Variants in RARB observed in about 807,000 individuals in gnomAD.
RARB encodes the protein HBV-activated protein.
RARB carries 17 observed loss-of-function variants against 51.9 expected under a neutral mutation model. The ratio of observed to expected loss-of-function variants is 0.33; its 90% confidence interval spans 0.22 to 0.49. The LOEUF (loss-of-function observed/expected upper bound fraction) is 0.49, where lower values mean the gene tolerates loss of function less well. Ranked by LOEUF, RARB falls within the 20% of genes least tolerant of loss-of-function variation. The pLI is 0.99. For synonymous variants in RARB, 215 were observed against 195.4 expected, an observed-to-expected ratio of 1.10 and a Z score of -0.84; for missense variants, 369 against 550.8, an observed-to-expected ratio of 0.67 and a Z score of 3.30.
intron 2 of RARB, among the ~76,000 whole-genome samples, chr3:25,045,397 G>C (rs900295266): frequency 2.0e-5 from 3 of 152,160 alleles, no homozygotes; most frequent in Non-Finnish European, 4.4e-5. Flanking sequence ...GAGAGAAAGC[G>C]AGGTAACTCT....
intron 5 of RARB, among the ~76,000 whole-genome samples, chr3:25,341,159 A>C (rs1209110057): frequency 6.6e-6 from 1 of 152,130 alleles, no homozygotes; most frequent in African/African-American, 2.4e-5. Flanking sequence ...TGGAGACCAA[A>C]AGTCTTCTGT....
At chr3:24,923,725 G>T (rs542632403) in intron 2 of RARB, among the ~76,000 whole-genome samples, 1 of 152,278 alleles carries the variant, frequency 6.6e-6, no homozygotes, top group South Asian at 2.1e-4. Context: ...TATTAGGAAG[G>T]CTTGTGAACA....
intron 5 of RARB, among the ~76,000 whole-genome samples, chr3:25,251,562 G>C (rs1251069164): frequency 6.6e-6 from 1 of 152,120 alleles, no homozygotes; most frequent in Non-Finnish European, 1.5e-5. Flanking sequence ...CCTAGTGTGT[G>C]TGAAATGACA....
intron 2 of RARB, among the ~76,000 whole-genome samples, chr3:24,880,152 G>A (rs578098836): frequency 9.9e-4 from 150 of 151,968 alleles, no homozygotes; most frequent in African/African-American, 3.5e-3. Context: ...GTTCTCAGTG[G>A]GAGTTAGTAA....
intron 5 of RARB, among the ~76,000 whole-genome samples, chr3:25,332,477 C>T (rs1415525939): frequency 6.6e-6 from 1 of 152,146 alleles, no homozygotes; most frequent in Non-Finnish European, 1.5e-5. Context: ...ATTCAACAGC[C>T]CTTCATGCTA....
chr3:25,055,841 G>C (rs1260910175), intron 2 of RARB, among the ~76,000 whole-genome samples: 1 of 152,068 alleles, frequency 6.6e-6, no homozygotes, highest in African/African-American at 2.4e-5. Context: ...CCTCCAAAAA[G>C]AGTCACAGGT....
At chr3:25,327,788 T>C (rs563501979) in intron 5 of RARB, among the ~76,000 whole-genome samples, 1 of 152,294 alleles carries the variant, frequency 6.6e-6, no homozygotes, top group Non-Finnish European at 1.5e-5. Context: ...AAGCTGAGAT[T>C]GGATGCAAAC....
intron 4 of RARB, among the ~76,000 whole-genome samples, chr3:25,147,758 C>T (rs1700217987): frequency 6.6e-6 from 1 of 152,226 alleles, no homozygotes; most frequent in Non-Finnish European, 1.5e-5. Flanking sequence ...CTCACTGTTG[C>T]AGTTTCCATT....
intron 5 of RARB, among the ~76,000 whole-genome samples, chr3:25,253,049 C>G (rs1702768728): frequency 1.3e-5 from 2 of 152,118 alleles, no homozygotes; most frequent in Admixed American, 6.6e-5. Context: ...TTCATAGGCA[C>G]TAGGATTCAC....
chr3:24,982,160 G>A (rs1183809852), intron 2 of RARB, among the ~76,000 whole-genome samples: 6 of 152,176 alleles, frequency 3.9e-5, no homozygotes. Context: ...TGTGGCCTGG[G>A]CACTCTCTCA....
chr3:25,511,366 C>G (rs1021599538), intron 3 of RARB, among the ~76,000 whole-genome samples: 2 of 152,068 alleles, frequency 1.3e-5, no homozygotes, highest in Non-Finnish European at 2.9e-5. Context: ...CTCCTGACCT[C>G]GTGATCTGCC....
chr3:25,189,809 C>T (rs938157121), intron 5 of RARB, among the ~76,000 whole-genome samples: 2 of 152,008 alleles, frequency 1.3e-5, no homozygotes, highest in African/African-American at 2.4e-5. Flanking sequence ...TGGTTGAACC[C>T]GGGAAGTAGA....
chr3:25,427,405 TTAAA>T (rs1708024801), upstream of RARB, among the ~76,000 whole-genome samples: 1 of 152,112 alleles, frequency 6.6e-6, no homozygotes, highest in South Asian at 2.1e-4. Context: ...CCTGAAGAAG[TTAAA>T]TACTTATCCC....
intron 2 of RARB, among the ~76,000 whole-genome samples, chr3:24,953,113 G>C (rs997486188): frequency 6.6e-6 from 1 of 152,010 alleles, no homozygotes; most frequent in Non-Finnish European, 1.5e-5. Flanking sequence ...GGGGTTTGGG[G>C]GCATATAGAT....
chr3:25,135,777 G>A (rs1344662364), intron 4 of RARB, among the ~76,000 whole-genome samples: 2 of 151,944 alleles, frequency 1.3e-5, no homozygotes, highest in Non-Finnish European at 2.9e-5. Flanking sequence ...AGAAAAAGTA[G>A]TCAGTAGAAC....
At chr3:25,552,401 G>T (rs1195911695) in intron 3 of RARB, among the ~76,000 whole-genome samples, 1 of 152,086 alleles carries the variant, frequency 6.6e-6, no homozygotes, top group Non-Finnish European at 1.5e-5. Flanking sequence ...AATGGCTGGG[G>T]TTGGGGGAGG....
At chr3:24,861,601 A>T (rs1052783079) in intron 2 of RARB, among the ~76,000 whole-genome samples, 3 of 73,932 alleles carry the variant, frequency 4.1e-5, no homozygotes, top group African/African-American at 6.0e-5. Flanking sequence ...TTATAAAAAA[A>T]AAAAAAAAAA....
chr3:25,080,099 C>T (rs1451811343), intron 3 of RARB, among the ~76,000 whole-genome samples: 2 of 152,208 alleles, frequency 1.3e-5, no homozygotes, highest in African/African-American at 4.8e-5. Context: ...CTGCCATCCT[C>T]TCTCCCTCAG....
intron 2 of RARB, among the ~76,000 whole-genome samples, chr3:24,934,786 G>C (rs748312068): frequency 2.0e-4 from 31 of 152,054 alleles, no homozygotes; most frequent in Non-Finnish European, 4.1e-4. Context: ...GAAATTCCCT[G>C]CACTGGAAAA....
Sources: allele counts gnomAD v4.1 joint callset (sites outside exome capture counted in the v4.1 genomes callset), GRCh38; gene constraint gnomAD v4.1.1; transcripts MANE v1.5; gene names NCBI Gene and HGNC (gene_info 2026-07-23, HGNC 2026-07-21).